Variants in PLXDC2 observed in about 807,000 individuals in gnomAD.
PLXDC2 encodes plexin domain-containing protein 2.
PLXDC2 carries 40 observed loss-of-function variants against 68.9 expected under a neutral mutation model. That is an observed-to-expected ratio of 0.58 (90% CI 0.45 to 0.76). The LOEUF (loss-of-function observed/expected upper bound fraction) is 0.76, where lower values mean the gene tolerates loss of function less well. Ranked by LOEUF, PLXDC2 falls within the 30% of genes least tolerant of loss-of-function variation. The probability of loss-of-function intolerance (pLI) is 0.00; values close to 1 mark genes in which losing one functional copy is unlikely to be tolerated. For synonymous variants in PLXDC2, 243 were observed against 234.2 expected (o/e 1.04, Z -0.34); for missense variants, 644 against 661.9 (o/e 0.97, Z 0.30).
chr10:20,080,418 G>C (rs910795251), intron 4 of PLXDC2, among the ~76,000 whole-genome samples: 1 of 152,098 alleles, frequency 6.6e-6, no homozygotes, highest in Non-Finnish European at 1.5e-5. Context: ...CTCAAAAGTA[G>C]GGAAGCCAAC....
intron 13 of PLXDC2, among the ~76,000 whole-genome samples, chr10:20,253,430 A>G (rs1441563245): frequency 6.6e-6 from 1 of 151,426 alleles, no homozygotes; most frequent in Non-Finnish European, 1.5e-5. Context: ...AAACACTCTC[A>G]CCATTCTTAA....
intron 2 of PLXDC2, among the ~76,000 whole-genome samples, chr10:20,044,215 T>C (rs1429782513): frequency 7.7e-3 from 52 of 6,774 alleles, no homozygotes; most frequent in East Asian, 0.029. Flanking sequence ...CTCTCTGTCT[T>C]TCTTTCTTTC....
At chr10:20,035,858 A>C (rs1194164018) in intron 2 of PLXDC2, among the ~76,000 whole-genome samples, 1 of 152,164 alleles carries the variant, frequency 6.6e-6, no homozygotes, top group Non-Finnish European at 1.5e-5. Context: ...ATTGTGTGAA[A>C]TTCTTAACTG....
chr10:19,906,852 C>T (rs1376678694), intron 1 of PLXDC2, among the ~76,000 whole-genome samples: 1 of 152,144 alleles, frequency 6.6e-6, no homozygotes, highest in Admixed American at 6.5e-5. Context: ...AAATCCTAAG[C>T]GTTACTCTTC....
At chr10:20,152,325 G>A (rs1380172342) in intron 6 of PLXDC2, among the ~76,000 whole-genome samples, 5 of 152,092 alleles carry the variant, frequency 3.3e-5, no homozygotes, top group Non-Finnish European at 5.9e-5. Context: ...CCAATACCCT[G>A]TTGTTTTCTA....
intron 12 of PLXDC2, among the ~76,000 whole-genome samples, chr10:20,238,944 C>T (rs1372023064): frequency 2.0e-5 from 3 of 151,598 alleles, no homozygotes; most frequent in Non-Finnish European, 4.4e-5. Context: ...TTGATTTTCT[C>T]TGCTTCATTT....
At chr10:20,042,538 G>A (rs182875921) in intron 2 of PLXDC2, among the ~76,000 whole-genome samples, 1 of 152,190 alleles carries the variant, frequency 6.6e-6, no homozygotes, top group African/African-American at 2.4e-5. Flanking sequence ...AAGTATCCAT[G>A]TATATCAAAT....
rs902915798 is a variant in PLXDC2, at chr10:19,892,220, T to C, written c.112+75029T>C. Among the ~76,000 whole-genome samples, 3 of 152,336 alleles carry C rather than the reference T, an allele frequency of 2.0e-5. 1 individual carries two copies. The highest frequency in any genetic ancestry group is 1.3e-4 in the Admixed American group (2 of 15,306). On this transcript the variant is annotated intron_variant, in intron 1 of 13. Transcript: ENST00000377252. Reference sequence around the variant, plus strand: ...AGTGCCAGCCACTGTCTAAGGGCTCTTAGTGAATTCTTACAACCACTTAAG... The same window carrying C: ...AGTGCCAGCCACTGTCTAAGGGCTCCTAGTGAATTCTTACAACCACTTAAG...
chr10:20,278,128 C>T lies in PLXDC2; in HGVS notation c.1474-1575C>T, dbSNP rs375894543. Among the ~76,000 whole-genome samples, 16 of 152,276 alleles carry T rather than the reference C, an allele frequency of 1.1e-4. No homozygotes were observed. The East Asian group carries it at 1.7e-3, about 17-fold the overall frequency. On this transcript the variant is annotated intron_variant, in intron 13 of 13. Coordinates refer to ENST00000377252, the MANE Select transcript of PLXDC2 (RefSeq NM_032812.9). ...TTCAGTTACTTCCAAATCTTGGCTA[C>T]TGTGAACAGTATAGCACAATGTCTT...
At chr10:20,239,591 T>C (rs949088888) in intron 12 of PLXDC2, among the ~76,000 whole-genome samples, 14 of 152,122 alleles carry the variant, frequency 9.2e-5, no homozygotes, top group African/African-American at 3.4e-4. Flanking sequence ...ACCACACCCA[T>C]GATCCAATCA....
intron 5 of PLXDC2, among the ~76,000 whole-genome samples, chr10:20,146,895 T>C (rs1252418374): frequency 2.0e-5 from 3 of 152,164 alleles, no homozygotes; most frequent in African/African-American, 7.2e-5. Context: ...TTTGCTCTTT[T>C]AGTTCTATGA....
At chr10:20,176,974 T>A in intron 7 of PLXDC2, 25 bp from the exon 8 acceptor site, 1 of 1,519,370 alleles carries the variant, frequency 6.6e-7, no homozygotes, top group South Asian at 1.1e-5. Flanking sequence ...GGTTAAAAAT[T>A]GATTTTTTTT....
intron 1 of PLXDC2, among the ~76,000 whole-genome samples, chr10:19,962,896 G>A (rs4748628): frequency 1 from 149,848 of 149,850 alleles, 74,923 homozygotes; most frequent in Non-Finnish European, 1. Context: ...AGGCTGAGGC[G>A]GGAGAATGGC....
In PLXDC2 at chr10:19,995,325, A is replaced by G. The variant is rs536770523; in HGVS notation, c.113-6450A>G. On this transcript the variant is annotated intron_variant, in intron 1 of 13. Coordinates refer to ENST00000377252, the MANE Select transcript of PLXDC2 (RefSeq NM_032812.9). Reference sequence around the variant, plus strand: ...GACAATGTCCAGGGAAACCAGGGCCAAAATTCCAAGAGTCCTTTCCACACA... The same window carrying G: ...GACAATGTCCAGGGAAACCAGGGCCGAAATTCCAAGAGTCCTTTCCACACA... Among the ~76,000 whole-genome samples the G allele has an allele frequency of 5.3e-5, 8 of 152,322 alleles. No individual in the cohort carries two copies. In the South Asian group the frequency reaches 1.7e-3, roughly 32 times the overall value.
At chr10:19,914,465 C>T (rs1589533622) in intron 1 of PLXDC2, among the ~76,000 whole-genome samples, 2 of 152,020 alleles carry the variant, frequency 1.3e-5, no homozygotes, top group East Asian at 3.9e-4. Flanking sequence ...ATTAATTCAC[C>T]AAATTGCAAT....
intron 1 of PLXDC2, among the ~76,000 whole-genome samples, chr10:19,834,783 C>T (rs77694506): frequency 2.9e-4 from 44 of 152,276 alleles, no homozygotes; most frequent in Admixed American, 2.6e-4. Context: ...TCCTATGCGC[C>T]TAGCATTGTG....
At chr10:20,019,724 T>C (rs76824171) in intron 2 of PLXDC2, among the ~76,000 whole-genome samples, 2,014 of 152,262 alleles carry the variant, frequency 0.013, 36 homozygotes, top group African/African-American at 0.043. Context: ...AGAACCTGAT[T>C]ATGTTGGCAC....
chr10:20,107,975 G>C (rs1286885996), intron 4 of PLXDC2, among the ~76,000 whole-genome samples: 1 of 152,114 alleles, frequency 6.6e-6, no homozygotes, highest in Non-Finnish European at 1.5e-5. Context: ...TTTTGTAAAT[G>C]ATTCAGATAC....
At chr10:19,953,227 T>C (rs1834019354) in intron 1 of PLXDC2, among the ~76,000 whole-genome samples, 1 of 152,240 alleles carries the variant, frequency 6.6e-6, no homozygotes, top group Non-Finnish European at 1.5e-5. Flanking sequence ...TAGTATAGAC[T>C]GCTGTGTAGC....
Sources: allele counts gnomAD v4.1 joint callset (sites outside exome capture counted in the v4.1 genomes callset), GRCh38; gene constraint gnomAD v4.1.1; transcripts MANE v1.5; gene names NCBI Gene and HGNC (gene_info 2026-07-23, HGNC 2026-07-21).